The following MAP4K2 variants were observed in gnomAD, a reference collection of about 807,000 sequenced individuals.
MAP4K2 encodes mitogen-activated protein kinase kinase kinase kinase 2.
Under a neutral mutation model 125.3 loss-of-function variants are expected in MAP4K2, and 85 were observed. The observed-to-expected ratio is 0.68, with a 90% confidence interval of 0.57 to 0.81. The LOEUF is 0.81. Ranked by LOEUF, MAP4K2 falls within the 40% of genes least tolerant of loss-of-function variation. The pLI, the probability that MAP4K2 is intolerant of heterozygous loss-of-function variation, is 0.00. For synonymous variants in MAP4K2, 479 were observed against 445.1 expected (o/e 1.08, Z -0.96); for missense variants, 923 against 1,056.4 (o/e 0.87, Z 1.75).
intron 24 of MAP4K2, among the ~76,000 whole-genome samples, chr11:64,792,752 C>A (rs908577902): frequency 6.6e-6 from 1 of 152,158 alleles, no homozygotes. Flanking sequence ...ATGGCGGGCC[C>A]CACCCCAGAG....
intron 2 of MAP4K2, 95 bp from the exon 3 acceptor site, chr11:64,802,748 G>T: frequency 6.8e-7 from 1 of 1,474,464 alleles, no homozygotes; most frequent in Non-Finnish European, 9.3e-7. Context: ...CTCCCTCCGG[G>T]CCAGGCAGGT....
At chr11:64,793,441 T>C (rs1354820383) in intron 24 of MAP4K2, among the ~76,000 whole-genome samples, 2 of 152,190 alleles carry the variant, frequency 1.3e-5, no homozygotes, top group Admixed American at 1.3e-4. Context: ...CTTGCCTTGC[T>C]GTCGGGGTAG....
Position 64,792,316 on chromosome 11 carries a change from G to A in MAP4K2, c.1811-41C>T, listed in dbSNP as rs764092229. 53 of 1,581,012 alleles carry A rather than the reference G, an allele frequency of 3.4e-5. No homozygotes were observed. In the East Asian group the frequency reaches 5.3e-4, roughly 16 times the overall value. ...GCAGTGGGCACCGGGCTGGGCCTGC[G>A]CTGCCCCCCACCAGGCCCCGCCCCA... On this transcript the variant is annotated intron_variant, in intron 25 of 31. Coordinates refer to ENST00000294066, the MANE Select transcript of MAP4K2 (RefSeq NM_004579.5).
rs1941299902 is a variant in MAP4K2, at chr11:64,802,777, C to T, written c.154+108G>A. 1.2e-5 allele frequency: 18 copies of T among 1,470,398 alleles called. No individual in the cohort carries two copies. The South Asian group carries it at 2.0e-4, about 17-fold the overall frequency. 91.1% of individuals were successfully genotyped at this position (1,470,398 alleles called of 1,614,324 possible). A position where few individuals can be genotyped will look rare whatever the true frequency, so the allele number is the denominator to read the frequency against. On this transcript the variant is annotated intron_variant, in intron 2 of 31. Coordinates refer to ENST00000294066, the MANE Select transcript of MAP4K2 (RefSeq NM_004579.5). ...GGCAGGTGCAGGTGACAGCACCTCC[C>T]GGGGCACGCCTCTCAGGGGTCTCGG... is the stretch of plus-strand genomic sequence containing the variant.
chr11:64,793,757 A>T (rs1333583089), intron 24 of MAP4K2, among the ~76,000 whole-genome samples: 3 of 152,304 alleles, frequency 2.0e-5, no homozygotes, highest in Admixed American at 2.0e-4. Flanking sequence ...TTTTTTCTCC[A>T]AACAACTCCA....
chr11:64,793,875 T>A (rs1940638491), intron 24 of MAP4K2, among the ~76,000 whole-genome samples: 1 of 152,232 alleles, frequency 6.6e-6, no homozygotes, highest in Admixed American at 6.5e-5. Context: ...CTGTTTCCTG[T>A]AGGTCCTGCG....
Position 64,801,581 on chromosome 11 carries a change from A to G in MAP4K2, c.455T>C (p.Leu152Pro), listed in dbSNP as rs756920304. 1 of 1,613,898 alleles carries G rather than the reference A, an allele frequency of 6.2e-7. No individual in the cohort carries two copies. The highest frequency in any genetic ancestry group is 1.3e-5 in the African/African-American group (1 of 74,910). ...GATGGTGTCCCCAGGGTACTGACCC[A>G]GTTTGACATCTCCCTGGAGAGTGAG... ...LLLTLQGDVKLADFGVSGELT... is the reference protein window; with the variant it reads ...LLLTLQGDVKPADFGVSGELT... Residue 152 changes from leucine to proline, a missense_variant and splice_region_variant, in exon 7 of 32, where the codon CTG becomes CCG. By Grantham distance (98) the Leu-to-Pro change is moderately conservative. This residue lies in a region of MAP4K2 where 833 missense variants were observed against 911.4 expected (regional missense o/e 0.91). Transcript: ENST00000294066.
Position 64,787,012 on chromosome 11 carries a change from G to A in MAP4K2, c.*2525C>T, listed in dbSNP as rs1940218486. 1.4e-5 allele frequency: 2 copies of A among 147,080 alleles called. No homozygotes were observed. Among genetic ancestry groups the A allele is most frequent in the African/African-American group, 5.0e-5 (2 of 40,132 alleles). 9.1% of individuals were successfully genotyped at this position (147,080 alleles called of 1,614,324 possible). Reference sequence around the variant, plus strand: ...AATTTAATACATTCATATTCTCCAGGATATATATATATTTTTTTCTCTTTT... The same window carrying A: ...AATTTAATACATTCATATTCTCCAGAATATATATATATTTTTTTCTCTTTT... On this transcript the variant is annotated 3_prime_UTR_variant, in exon 32 of 32. Transcript: ENST00000294066.
chr11:64,802,935 T>C lies in MAP4K2; in HGVS notation c.104A>G (p.Asp35Gly), dbSNP rs763548153. The C allele has an allele frequency of 3.8e-6, 6 of 1,583,760 alleles. No individual in the cohort carries two copies. The African/African-American group carries it at 8.1e-5, about 21-fold the overall frequency. The change falls in exon 2 of 32, where the codon GAC becomes GGC. Residue 35 changes from aspartate (D) to glycine (G), a missense_variant. Coordinates refer to ENST00000294066, the MANE Select transcript of MAP4K2 (RefSeq NM_004579.5). Reference sequence around the variant, plus strand: ...GGCGGCCAGTTCGGACGTGACCGTGTCGCGGGCCTGCAGGGGCGGAGGGTG... The same window carrying C: ...GGCGGCCAGTTCGGACGTGACCGTGCCGCGGGCCTGCAGGGGCGGAGGGTG... ...GTYGDVYKAR[D>G]TVTSELAAVK...
In MAP4K2 at chr11:64,800,408, G is replaced by A. The variant is rs756327361; in HGVS notation, c.726-16C>T. 1.9e-6 allele frequency: 3 copies of A among 1,613,020 alleles called. No homozygotes were observed. In the South Asian group the frequency reaches 3.3e-5, roughly 18 times the overall value. ...ATTCTGGGTCCTAGAAGGCACAAGA[G>A]CCCCCCAGCGCCAGATCCAGGTTAG... is the stretch of plus-strand genomic sequence containing the variant. On this transcript the variant is annotated splice_polypyrimidine_tract_variant and intron_variant, in intron 10 of 31. Transcript: ENST00000294066.
intron 11 of MAP4K2, 25 bp from the exon 12 acceptor site, chr11:64,800,241 T>G: frequency 2.5e-6 from 4 of 1,611,778 alleles, no homozygotes; most frequent in Non-Finnish European, 3.4e-6. Flanking sequence ...AGGGGGGTGA[T>G]CAGGTTGGCC....
rs79027189 is a variant in MAP4K2, at chr11:64,793,666, G to A, written c.1752-1244C>T. Among the ~76,000 whole-genome samples the A allele has an allele frequency of 2.0e-3, 310 of 152,254 alleles. 1 individual carries two copies. Among genetic ancestry groups the A allele is most frequent in the East Asian group, 0.013 (69 of 5,184 alleles). On this transcript the variant is annotated intron_variant, in intron 24 of 31. Coordinates refer to ENST00000294066, the MANE Select transcript of MAP4K2 (RefSeq NM_004579.5). ...CTGTCTCTCACTGTCCCTGGTCCTCGTCCCTCCCTCTCCCCACATTCCTCC... is the reference window on the plus strand; with the variant it reads ...CTGTCTCTCACTGTCCCTGGTCCTCATCCCTCCCTCTCCCCACATTCCTCC...
At position 64,800,115 on chromosome 11, in the gene MAP4K2, C is replaced by T. The variant is rs755608982; in HGVS notation, c.909G>A (p.Glu303=). The change falls in exon 12 of 32, where the codon GAG becomes GAA. Residue 303 remains glutamate (E), a synonymous_variant. Transcript: ENST00000294066. ...TCCAGCCCCCCTCACCTACCTCCAG[C>T]TCACAGTCCTCAGGGGAGGGGGTCC... ...HLGTPSPEDC[E]LETYDMFPDT... is the part of the protein sequence containing the mutation. The T allele has an allele frequency of 3.1e-6, 5 of 1,605,126 alleles. No individual in the cohort carries two copies. Among genetic ancestry groups the T allele is most frequent in the Non-Finnish European group, 3.4e-6 (4 of 1,176,258 alleles).
chr11:64,792,800 G>A (rs1213489429), intron 24 of MAP4K2, among the ~76,000 whole-genome samples: 1 of 152,200 alleles, frequency 6.6e-6, no homozygotes, highest in African/African-American at 2.4e-5. Flanking sequence ...TACAGGGGAG[G>A]TGCTCTCGGC....
intron 24 of MAP4K2, among the ~76,000 whole-genome samples, chr11:64,795,833 G>A (rs996970016): frequency 1.8e-4 from 27 of 152,032 alleles, no homozygotes; most frequent in African/African-American, 6.3e-4. Flanking sequence ...ACCCAGCCCC[G>A]CTGTTTCTTG....
rs1940206272 is a variant in MAP4K2, at chr11:64,786,650, G to T, written c.*2887C>A. 1 of 152,206 alleles carries T rather than the reference G, an allele frequency of 6.6e-6. No homozygotes were observed. Among genetic ancestry groups the T allele is most frequent in the South Asian group, 2.1e-4 (1 of 4,824 alleles). 9.4% of individuals were successfully genotyped at this position (152,206 alleles called of 1,614,324 possible). A position where few individuals can be genotyped will look rare whatever the true frequency, so the allele number is the denominator to read the frequency against. ...CCTCCCACAGGTTTCTGCCCATGGA[G>T]GGGCAACTGGACAGCAGCTATCACC... On this transcript the variant is annotated 3_prime_UTR_variant, in exon 32 of 32. Coordinates refer to ENST00000294066, the MANE Select transcript of MAP4K2 (RefSeq NM_004579.5).
At position 64,802,958 on chromosome 11, in the gene MAP4K2, G is replaced by C; in HGVS notation, c.97-16C>G. 1 of 1,566,778 alleles carries C rather than the reference G, an allele frequency of 6.4e-7. No homozygotes were observed. On this transcript the variant is annotated splice_polypyrimidine_tract_variant and intron_variant, in intron 1 of 31. Coordinates refer to ENST00000294066, the MANE Select transcript of MAP4K2 (RefSeq NM_004579.5). ...TGTCGCGGGCCTGCAGGGGCGGAGG[G>C]TGAAGCGGGATGGGGGGCGGGGCCG...
rs1941098642 is a variant in MAP4K2, at chr11:64,800,489, G to C, written c.726-97C>G. 5 of 1,391,868 alleles carry C rather than the reference G, an allele frequency of 3.6e-6. No homozygotes were observed. The South Asian group carries it at 6.1e-5, about 17-fold the overall frequency. 86.2% of individuals were successfully genotyped at this position (1,391,868 alleles called of 1,614,324 possible). On this transcript the variant is annotated intron_variant, in intron 10 of 31. Coordinates refer to ENST00000294066, the MANE Select transcript of MAP4K2 (RefSeq NM_004579.5). ...TACCACCCCTCCAGAGGCGTCTGCT[G>C]GGCCCACCCAGGAAGGAGCCAGCCG...
intron 24 of MAP4K2, among the ~76,000 whole-genome samples, chr11:64,794,277 C>A (rs1358415493): frequency 6.6e-6 from 1 of 152,234 alleles, no homozygotes; most frequent in Admixed American, 6.5e-5. Flanking sequence ...TGGAGCCATC[C>A]TTGACTCCTC....
Sources: gnomAD v4.1 joint callset for allele counts (sites outside exome capture counted in the v4.1 genomes callset) on GRCh38, gnomAD v4.1.1 for gene constraint, gnomAD v4.1.1 regional missense constraint, MANE v1.5 for transcripts, NCBI Gene and HGNC (gene_info 2026-07-23, HGNC 2026-07-21) for gene names.